AUH: variants seen among roughly 807,000 people sequenced by gnomAD.
AUH encodes the protein methylglutaconyl-CoA hydratase, mitochondrial.
A neutral mutation model predicts 42.3 loss-of-function variants in AUH; 29 were observed. The observed-to-expected ratio is 0.69, with a 90% CI of 0.51 to 0.93. The LOEUF (loss-of-function observed/expected upper bound fraction) is 0.93. Ranked by LOEUF, AUH falls within the 40% of genes least tolerant of loss-of-function variation. The pLI is 0.00. For missense variants in AUH, 452 were observed against 438.1 expected (o/e 1.03, Z -0.28); for synonymous variants, 174 against 166.4 (o/e 1.05, Z -0.35).
chr9:91,288,952 C>T (rs1265269936), intron 6 of AUH, among the ~76,000 whole-genome samples: 3 of 152,080 alleles, frequency 2.0e-5, no homozygotes, highest in Non-Finnish European at 4.4e-5. Flanking sequence ...CAACATATTG[C>T]TACGCAGGTC....
intron 6 of AUH, among the ~76,000 whole-genome samples, chr9:91,289,853 T>C (rs1826716083): frequency 6.6e-6 from 1 of 152,186 alleles, no homozygotes; most frequent in South Asian, 2.1e-4. Flanking sequence ...CACAAAAACG[T>C]ATTTTTAAAA....
chr9:91,356,011 AAAAAC>A lies in AUH; in HGVS notation c.331-46_331-42del, dbSNP rs1416681925. The A allele has an allele frequency of 8.7e-6, 14 of 1,605,116 alleles. No homozygotes were observed. The East Asian group carries it at 2.0e-4, about 23-fold the overall frequency. ...AAGCATAGGAGGAAAAAGAGAAAAA[AAAAAC>A]AAAACATTTTTACATTGATGACAAT... On this transcript the variant is annotated intron_variant, in intron 2 of 9. Coordinates refer to ENST00000375731, the MANE Select transcript of AUH (RefSeq NM_001698.3).
chr9:91,266,362 A>AAAAT lies in AUH; in HGVS notation c.655+29655_655+29658dup, dbSNP rs144350488. On this transcript the variant is annotated intron_variant, in intron 6 of 9. Transcript: ENST00000375731. ...GGGTAACAGTGTGAGACTCCATCTC[A>AAAAT]AAATAAATAAATAAATAAATAAATA... Among the ~76,000 whole-genome samples the AAAAT allele has an allele frequency of 2.3e-3, 335 of 148,100 alleles. 2 individuals carry two copies. Among genetic ancestry groups the AAAAT allele is most frequent in the East Asian group, 8.3e-3 (41 of 4,966 alleles).
intron 4 of AUH, among the ~76,000 whole-genome samples, chr9:91,313,029 G>GA (rs138004192): frequency 0.025 from 3,824 of 151,816 alleles, 77 homozygotes; most frequent in East Asian, 0.066. Context: ...AGGACAAGAG[G>GA]AAAAAAAACT....
chr9:91,228,883 C>G (rs1827690517), intron 6 of AUH, among the ~76,000 whole-genome samples: 1 of 152,142 alleles, frequency 6.6e-6, no homozygotes, highest in South Asian at 2.1e-4. Flanking sequence ...ATTCTTAATC[C>G]TGAGTTCTAG....
At chr9:91,282,839 A>G (rs1826080896) in intron 6 of AUH, among the ~76,000 whole-genome samples, 1 of 152,172 alleles carries the variant, frequency 6.6e-6, no homozygotes. Context: ...CAACCAAAAA[A>G]AGTCCAGGAC....
At chr9:91,332,911 A>G (rs751166131) in intron 3 of AUH, among the ~76,000 whole-genome samples, 2 of 152,224 alleles carry the variant, frequency 1.3e-5, no homozygotes, top group Non-Finnish European at 2.9e-5. Flanking sequence ...CTCACTGTGC[A>G]TCCTTCGTAG....
At chr9:91,264,622 AATGT>A (rs1411838297) in intron 6 of AUH, among the ~76,000 whole-genome samples, 1 of 152,102 alleles carries the variant, frequency 6.6e-6, no homozygotes, top group African/African-American at 2.4e-5. Flanking sequence ...CTTTCTGATA[AATGT>A]ATTTGGGAGG....
In AUH at chr9:91,350,157, T is replaced by C. The variant is rs554419115; in HGVS notation, c.418+5726A>G. Among the ~76,000 whole-genome samples the C allele has an allele frequency of 2.8e-4, 43 of 152,380 alleles. 1 individual carries two copies. The South Asian group carries it at 6.6e-3, about 23-fold the overall frequency. On this transcript the variant is annotated intron_variant, in intron 3 of 9. Transcript: ENST00000375731. ...TGTATTTACATATTACTGTGGTTAATAGAAACATCCATTTTAATACATTAC... is the reference window on the plus strand; with the variant it reads ...TGTATTTACATATTACTGTGGTTAACAGAAACATCCATTTTAATACATTAC...
intron 6 of AUH, among the ~76,000 whole-genome samples, chr9:91,288,118 T>C (rs1365023197): frequency 6.6e-6 from 1 of 152,014 alleles, no homozygotes; most frequent in African/African-American, 2.4e-5. Context: ...CCCAGTGGTG[T>C]ACACCCAAGC....
At chr9:91,342,086 A>T (rs1162019949) in intron 3 of AUH, among the ~76,000 whole-genome samples, 1 of 152,232 alleles carries the variant, frequency 6.6e-6, no homozygotes. Context: ...CTGGACAAAT[A>T]ACTACAAGCT....
Position 91,300,896 on chromosome 9 carries a change from C to T in AUH, c.506-2820G>A, listed in dbSNP as rs557122948. On this transcript the variant is annotated intron_variant, in intron 4 of 9. Transcript: ENST00000375731. ...TCAAATGTCCCTTCCTCTATGCTTACATGGCACTCTGTGCATAACCTTTTC... is the reference window on the plus strand; with the variant it reads ...TCAAATGTCCCTTCCTCTATGCTTATATGGCACTCTGTGCATAACCTTTTC... 3.9e-5 allele frequency among the ~76,000 whole-genome samples: 6 copies of T among 152,330 alleles called. No individual in the cohort carries two copies. The East Asian group carries it at 9.6e-4, about 24-fold the overall frequency.
intron 4 of AUH, among the ~76,000 whole-genome samples, chr9:91,319,920 T>C (rs1291164165): frequency 6.6e-6 from 1 of 152,178 alleles, no homozygotes; most frequent in Non-Finnish European, 1.5e-5. Flanking sequence ...TCTAGAGCTC[T>C]TTAACAAACT....
At chr9:91,276,288 G>A (rs571546639) in intron 6 of AUH, among the ~76,000 whole-genome samples, 2 of 152,076 alleles carry the variant, frequency 1.3e-5, no homozygotes, top group East Asian at 1.9e-4. Context: ...AACATTAGCC[G>A]GGTGTGGTGG....
In AUH at chr9:91,346,584, C is replaced by T. The variant is rs143156777; in HGVS notation, c.418+9299G>A. 2.2e-4 allele frequency among the ~76,000 whole-genome samples: 33 copies of T among 152,264 alleles called. No homozygotes were observed. The South Asian group carries it at 3.1e-3, about 14-fold the overall frequency. On this transcript the variant is annotated intron_variant, in intron 3 of 9. Coordinates refer to ENST00000375731, the MANE Select transcript of AUH (RefSeq NM_001698.3). ...ATCCCATTCCTGAGACCAATTATGA[C>T]GTCTTTTTTTCTAACACCACTTCTG...
At chr9:91,286,549 C>T (rs1358017243) in intron 6 of AUH, among the ~76,000 whole-genome samples, 1 of 152,084 alleles carries the variant, frequency 6.6e-6, no homozygotes, top group Non-Finnish European at 1.5e-5. Context: ...AAGATATTAT[C>T]ACCCAAAGTG....
At chr9:91,305,882 G>A (rs1828179034) in intron 4 of AUH, among the ~76,000 whole-genome samples, 1 of 152,090 alleles carries the variant, frequency 6.6e-6, no homozygotes, top group Non-Finnish European at 1.5e-5. Context: ...TCACACCCCA[G>A]ATCCCCAACA....
At chr9:91,232,510 A>G (rs1017893924) in intron 6 of AUH, among the ~76,000 whole-genome samples, 1 of 152,160 alleles carries the variant, frequency 6.6e-6, no homozygotes, top group African/African-American at 2.4e-5. Flanking sequence ...TTTTCCTTCC[A>G]CAGAAAAGCA....
chr9:91,327,744 C>T (rs1830055471), intron 3 of AUH, among the ~76,000 whole-genome samples: 1 of 152,208 alleles, frequency 6.6e-6, no homozygotes, highest in Non-Finnish European at 1.5e-5. Context: ...CATGCTCCCG[C>T]TAGCCAAGCT....
Sources: gnomAD v4.1 joint callset for allele counts (sites outside exome capture counted in the v4.1 genomes callset) on GRCh38, gnomAD v4.1.1 for gene constraint, MANE v1.5 for transcripts, NCBI Gene and HGNC (gene_info 2026-07-23, HGNC 2026-07-21) for gene names.